Variants in MAGI2 observed in about 807,000 individuals in gnomAD.
The protein encoded by MAGI2 is membrane-associated guanylate kinase, WW and PDZ domain-containing protein 2.
Under a neutral mutation model 133.3 loss-of-function variants are expected in MAGI2, and 35 were observed. The ratio of observed to expected loss-of-function variants is 0.26; its 90% CI spans 0.20 to 0.35. The LOEUF is 0.35. Ranked by LOEUF, MAGI2 falls within the 10% of genes least tolerant of loss-of-function variation. MAGI2 has a pLI of 1.00. For missense variants in MAGI2, 1,636 were observed against 1,863.4 expected (o/e 0.88, Z 2.25); for synonymous variants, 729 against 710.6 (o/e 1.03, Z -0.41).
intron 10 of MAGI2, among the ~76,000 whole-genome samples, chr7:78,208,715 C>A (rs1185268519): frequency 1.3e-5 from 2 of 149,816 alleles, no homozygotes; most frequent in African/African-American, 2.5e-5. Context: ...TTTGGGAAAT[C>A]CATCTAGAAA....
intron 1 of MAGI2, among the ~76,000 whole-genome samples, chr7:79,365,243 G>A (rs576172221): frequency 1.4e-4 from 21 of 152,310 alleles, no homozygotes; most frequent in Non-Finnish European, 1.2e-4. Flanking sequence ...ATACCAAAGC[G>A]TGGAGAGAAT....
At chr7:78,934,826 T>A (rs1327437627) in intron 2 of MAGI2, among the ~76,000 whole-genome samples, 1 of 152,166 alleles carries the variant, frequency 6.6e-6, no homozygotes, top group Non-Finnish European at 1.5e-5. Flanking sequence ...ACATGATCTG[T>A]TTCAGTATTT....
At chr7:78,244,890 G>A (rs1027228845) in intron 10 of MAGI2, among the ~76,000 whole-genome samples, 1 of 152,160 alleles carries the variant, frequency 6.6e-6, no homozygotes, top group African/African-American at 2.4e-5. Context: ...TGAATGAAAT[G>A]GGAATTGAGG....
intron 1 of MAGI2, among the ~76,000 whole-genome samples, chr7:79,155,007 C>A (rs1203688263): frequency 6.6e-6 from 1 of 152,172 alleles, no homozygotes; most frequent in Non-Finnish European, 1.5e-5. Context: ...AGGATAGTAA[C>A]AGTGTTGACA....
chr7:78,147,286 G>T (rs1296543115), intron 16 of MAGI2, among the ~76,000 whole-genome samples: 1 of 152,118 alleles, frequency 6.6e-6, no homozygotes, highest in East Asian at 1.9e-4. Flanking sequence ...CCTCTGAATG[G>T]TCAAATAAAT....
intron 2 of MAGI2, among the ~76,000 whole-genome samples, chr7:78,737,729 C>A (rs1822004880): frequency 6.6e-6 from 1 of 152,002 alleles, no homozygotes; most frequent in South Asian, 2.1e-4. Context: ...ATAGTTATGT[C>A]TCATAAAAAT....
At chr7:78,355,320 T>C (rs1010318201) in intron 7 of MAGI2, among the ~76,000 whole-genome samples, 14 of 152,206 alleles carry the variant, frequency 9.2e-5, no homozygotes, top group African/African-American at 3.4e-4. Context: ...TGTGCACTTT[T>C]AAAGTTAATT....
At chr7:78,416,002 C>T (rs980683005) in intron 6 of MAGI2, among the ~76,000 whole-genome samples, 5 of 151,984 alleles carry the variant, frequency 3.3e-5, no homozygotes, top group Admixed American at 1.3e-4. Flanking sequence ...CTCCCAGTTC[C>T]AGGGAGCAGA....
intron 2 of MAGI2, among the ~76,000 whole-genome samples, chr7:78,693,366 T>A (rs1817171312): frequency 6.6e-6 from 1 of 152,152 alleles, no homozygotes; most frequent in African/African-American, 2.4e-5. Context: ...GGCCAAAATA[T>A]ATAGTGTTAC....
chr7:78,749,934 G>A lies in MAGI2; in HGVS notation c.419-122695C>T, dbSNP rs538837006. Among the ~76,000 whole-genome samples, 8 of 152,134 alleles carry A rather than the reference G, an allele frequency of 5.3e-5. No homozygotes were observed. In the East Asian group the frequency reaches 9.7e-4, roughly 18 times the overall value. On this transcript the variant is annotated intron_variant, in intron 2 of 21. Transcript: ENST00000354212. Reference sequence around the variant, plus strand: ...GTTCTGGGATACATGTGCAGAACACGGAGGCTTGTTATATAGGTATACACG... The same window carrying A: ...GTTCTGGGATACATGTGCAGAACACAGAGGCTTGTTATATAGGTATACACG...
At chr7:78,373,806 A>G (rs2885267) in intron 6 of MAGI2, among the ~76,000 whole-genome samples, 116,811 of 151,998 alleles carry the variant, frequency 0.77, 45,118 homozygotes, top group African/African-American at 0.84. Flanking sequence ...ATGTTCATGA[A>G]TATCCAGTGT....
intron 9 of MAGI2, among the ~76,000 whole-genome samples, chr7:78,321,024 T>G (rs925604215): frequency 3.3e-5 from 5 of 152,124 alleles, no homozygotes; most frequent in African/African-American, 9.7e-5. Flanking sequence ...TCACAATTGC[T>G]ACAAAGAGAA....
At chr7:79,361,461 A>T (rs1412752518) in intron 1 of MAGI2, among the ~76,000 whole-genome samples, 1 of 152,124 alleles carries the variant, frequency 6.6e-6, no homozygotes, top group Non-Finnish European at 1.5e-5. Context: ...CAAATATCGT[A>T]TTTTCCAAGG....
intron 1 of MAGI2, among the ~76,000 whole-genome samples, chr7:79,181,752 G>A (rs1826642080): frequency 6.6e-6 from 1 of 151,912 alleles, no homozygotes; most frequent in Admixed American, 6.6e-5. Context: ...TTTATGTCCT[G>A]TTTCTCTTTT....
At chr7:78,474,796 T>C (rs1791575842) in intron 6 of MAGI2, among the ~76,000 whole-genome samples, 2 of 151,646 alleles carry the variant, frequency 1.3e-5, no homozygotes, top group Middle Eastern at 3.4e-3. Context: ...CTAGAAAATA[T>C]AGTGTATATA....
intron 13 of MAGI2, among the ~76,000 whole-genome samples, chr7:78,183,266 G>GT (rs1827359167): frequency 1.4e-5 from 2 of 141,050 alleles, no homozygotes; most frequent in Non-Finnish European, 3.1e-5. Context: ...TTGTATTTTT[G>GT]TATTTTTTTT....
intron 13 of MAGI2, 71 bp from the exon 14 acceptor site, chr7:78,178,173 C>G: frequency 1.1e-6 from 1 of 931,574 alleles, no homozygotes; most frequent in Non-Finnish European, 1.7e-6. Context: ...CTGAACATAC[C>G]AATGATAAAT....
At chr7:78,631,838 C>T (rs1164011265) in intron 2 of MAGI2, among the ~76,000 whole-genome samples, 1 of 152,152 alleles carries the variant, frequency 6.6e-6, no homozygotes, top group Non-Finnish European at 1.5e-5. Flanking sequence ...TGAAAGTAAG[C>T]TGCTTGTGCT....
At chr7:78,122,617 T>A (rs1367267508) in intron 20 of MAGI2, among the ~76,000 whole-genome samples, 2 of 152,216 alleles carry the variant, frequency 1.3e-5, no homozygotes, top group African/African-American at 4.8e-5. Context: ...TTTTTCATCA[T>A]AAAAATACAT....
Sources: gnomAD v4.1 joint callset for allele counts (sites outside exome capture counted in the v4.1 genomes callset) on GRCh38, gnomAD v4.1.1 for gene constraint, MANE v1.5 for transcripts, NCBI Gene and HGNC (gene_info 2026-07-23, HGNC 2026-07-21) for gene names.